The following MYH7B variants were observed in gnomAD, a reference collection of about 807,000 sequenced individuals.
MYH7B encodes the protein myosin-7B.
MYH7B carries 205 observed loss-of-function variants against 234.5 expected under a neutral mutation model. The observed-to-expected ratio is 0.87, with a 90% CI of 0.78 to 0.98. The LOEUF is 0.98. Ranked by LOEUF, MYH7B falls within the 50% of genes least tolerant of loss-of-function variation. The pLI, the probability that MYH7B is intolerant of heterozygous loss-of-function variation, is 0.00. For synonymous variants in MYH7B, 1,193 were observed against 1,105.0 expected (o/e 1.08, Z -1.58); for missense variants, 2,652 against 2,633.4 (o/e 1.01, Z -0.15).
At chr20:34,991,300 G>C (rs1383572024) in intron 24 of MYH7B, among the ~76,000 whole-genome samples, 179 bp downstream of exon 24, 1 of 152,212 alleles carries the variant, frequency 6.6e-6, no homozygotes, top group Non-Finnish European at 1.5e-5. Flanking sequence ...CCGGGGACTT[G>C]GGGAGAAGTG....
At chr20:34,975,308 G>A (rs559348220) in intron 2 of MYH7B, 92 bp from the exon 3 acceptor site, 10 of 480,254 alleles carry the variant, frequency 2.1e-5, no homozygotes, top group Admixed American at 7.2e-5. Context: ...GGGTTCAAGC[G>A]GTCCTCCCAC....
intron 4 of MYH7B, 40 bp downstream of exon 4, chr20:34,977,720 A>AGGGGGGGGGGGGG: frequency 4.8e-6 from 1 of 208,230 alleles, no homozygotes; most frequent in Non-Finnish European, 7.7e-6. Flanking sequence ...AAGGGAGGGC[A>AGGGGGGGGGGGGG]GGAGGGTGGG....
At chr20:34,965,213 G>T (rs1569026486) in intron 2 of MYH7B, among the ~76,000 whole-genome samples, 2 of 152,116 alleles carry the variant, frequency 1.3e-5, no homozygotes, top group African/African-American at 2.4e-5. Flanking sequence ...TATAGATGAG[G>T]AATCAGAAGA....
chr20:34,957,212 T>G (rs1159488009), intron 1 of MYH7B, among the ~76,000 whole-genome samples: 2 of 152,164 alleles, frequency 1.3e-5, no homozygotes, highest in African/African-American at 4.8e-5. Context: ...AGACGCCAGT[T>G]CCACTGAGCA....
chr20:34,962,084 G>A (rs55696836), intron 2 of MYH7B, among the ~76,000 whole-genome samples: 12,967 of 152,038 alleles, frequency 0.085, 621 homozygotes, highest in South Asian at 0.13. Flanking sequence ...AAAATTAGCC[G>A]GGCGTGGTGG....
intron 3 of MYH7B, among the ~76,000 whole-genome samples, chr20:34,977,313 C>T (rs949603062): frequency 6.6e-6 from 1 of 152,054 alleles, no homozygotes; most frequent in Non-Finnish European, 1.5e-5. Flanking sequence ...TGTCCTTGCT[C>T]TCTGTATCTG....
chr20:34,981,274 GACACCCAC>G, intron 9 of MYH7B: 1 of 544,576 alleles, frequency 1.8e-6, no homozygotes. Flanking sequence ...ATAGGGAGGG[GACACCCAC>G]AAACGGAGTG....
chr20:34,987,157 G>A, exon 16 of MYH7B: 2 of 1,613,366 alleles, frequency 1.2e-6, no homozygotes, highest in Non-Finnish European at 1.7e-6. Context: ...AGCATGCCAT[G>A]GACATCCTAG....
chr20:34,985,048 C>G lies in MYH7B; in HGVS notation c.742-18C>G, dbSNP rs2081996263. The G allele has an allele frequency of 6.2e-7, 1 of 1,613,846 alleles. No homozygotes were observed. The highest frequency in any genetic ancestry group is 1.3e-5 in the African/African-American group (1 of 74,926). The stretch of plus-strand genomic sequence containing the variant: ...GCTGGCTGTGCCCCTTGGCTGAGGG[C>G]TGCCCCTCTGCCCACAGGGCAAGTT... On this transcript the variant is annotated intron_variant, in intron 12 of 44. Transcript: ENST00000262873.
intron 43 of MYH7B, 118 bp downstream of exon 43, chr20:35,001,644 G>A: frequency 3.3e-6 from 3 of 920,312 alleles, no homozygotes; most frequent in Non-Finnish European, 5.0e-6. Flanking sequence ...CCAGAGGGAA[G>A]AGAGAAGCTT....
At chr20:34,988,580 C>T (rs1321259956) in intron 19 of MYH7B, among the ~76,000 whole-genome samples, 1 of 151,988 alleles carries the variant, frequency 6.6e-6, no homozygotes, top group African/African-American at 2.4e-5. Context: ...CTCACAAGGC[C>T]CTATTTGCAG....
chr20:34,993,448 TACCAGCGCC>T, exon 26 of MYH7B: 1 of 1,606,166 alleles, frequency 6.2e-7, no homozygotes, highest in Non-Finnish European at 8.5e-7. Context: ...GCGCCTTGAG[TACCAGCGCC>T]TGCTGGGAGG....
intron 10 of MYH7B, among the ~76,000 whole-genome samples, chr20:34,983,637 G>A (rs1006519893): frequency 1.3e-5 from 2 of 152,168 alleles, no homozygotes; most frequent in African/African-American, 4.8e-5. Context: ...GCTGCCCGCA[G>A]GAGCCATGGC....
At chr20:35,001,047 G>A in exon 41 of MYH7B, 2 of 1,613,894 alleles carry the variant, frequency 1.2e-6, no homozygotes, top group Middle Eastern at 1.7e-4. Context: ...ACCTGGAACG[G>A]ATGAAGAAGA....
In MYH7B at chr20:34,977,589, C is replaced by T. The variant is rs202139552; in HGVS notation, c.-121-43C>T. Reference sequence around the variant, plus strand: ...TGGCCAGGCTGGGGGGGCTGTGACACGTGGAGATTGCTGACATAGCTCTCC... The same window carrying T: ...TGGCCAGGCTGGGGGGGCTGTGACATGTGGAGATTGCTGACATAGCTCTCC... On this transcript the variant is annotated intron_variant, in intron 3 of 44. Transcript: ENST00000262873. 1.9e-4 allele frequency: 294 copies of T among 1,556,244 alleles called. 1 individual carries two copies. Among genetic ancestry groups the T allele is most frequent in the Middle Eastern group, 1.7e-4 (1 of 5,986 alleles).
At chr20:34,993,049 G>A (rs2082184646) in intron 24 of MYH7B, 53 bp from the exon 25 acceptor site, 2 of 1,575,998 alleles carry the variant, frequency 1.3e-6, no homozygotes, top group Non-Finnish European at 1.7e-6. Flanking sequence ...ATTCTCAGTG[G>A]CCTGTGCCCC....
At chr20:34,961,028 T>C (rs943720926) in intron 2 of MYH7B, among the ~76,000 whole-genome samples, 1 of 152,098 alleles carries the variant, frequency 6.6e-6, no homozygotes, top group African/African-American at 2.4e-5. Flanking sequence ...TTGAGGTGTG[T>C]GGGCTGAAAA....
chr20:34,972,832 A>C (rs989566612), intron 2 of MYH7B, among the ~76,000 whole-genome samples: 2 of 152,096 alleles, frequency 1.3e-5, no homozygotes, highest in Non-Finnish European at 2.9e-5. Context: ...GGGTCTTGCT[A>C]TATCAGCCTA....
chr20:34,980,096 C>A, intron 7 of MYH7B: 1 of 474,778 alleles, frequency 2.1e-6, no homozygotes, highest in Non-Finnish European at 3.9e-6. Flanking sequence ...TGCGTGTGGG[C>A]TGGGGCAGGG....
Sources: allele counts gnomAD v4.1 joint callset (sites outside exome capture counted in the v4.1 genomes callset), GRCh38; gene constraint gnomAD v4.1.1; transcripts MANE v1.5; gene names NCBI Gene and HGNC (gene_info 2026-07-23, HGNC 2026-07-21).